REDIC1: variants seen among roughly 807,000 people sequenced by gnomAD.
The protein encoded by REDIC1 is regulator of DNA class I crossover intermediates 1.
chr12:39,683,460 T>C, the REDIC1 span: 1 of 1,601,978 alleles, frequency 6.2e-7, no homozygotes, highest in Non-Finnish European at 8.5e-7. Flanking sequence ...CAGAAAAGTA[T>C]TCAGAAATAT....
At chr12:39,828,050 C>A in the REDIC1 span, among the ~76,000 whole-genome samples, 3 of 151,992 alleles carry the variant, frequency 2.0e-5, no homozygotes, top group Admixed American at 6.6e-5. Context: ...ATCTATCAAC[C>A]AAACCACCAA....
the REDIC1 span, chr12:39,760,053 A>C: frequency 6.2e-7 from 1 of 1,612,480 alleles, no homozygotes; most frequent in Non-Finnish European, 8.5e-7. Flanking sequence ...CATCATTGTC[A>C]GAAAGATGAT....
chr12:39,642,317 T>C, the REDIC1 span, among the ~76,000 whole-genome samples: 3 of 151,848 alleles, frequency 2.0e-5, no homozygotes, highest in East Asian at 5.8e-4. Context: ...ACAGTCTTTG[T>C]ATTGTTCTTC....
the REDIC1 span, among the ~76,000 whole-genome samples, chr12:39,779,695 A>C: frequency 6.6e-6 from 1 of 152,224 alleles, no homozygotes; most frequent in African/African-American, 2.4e-5. Flanking sequence ...CCTCTAAGAA[A>C]TCTATGTCTA....
the REDIC1 span, among the ~76,000 whole-genome samples, chr12:39,895,346 C>T: frequency 5.3e-5 from 8 of 150,984 alleles, no homozygotes; most frequent in East Asian, 3.9e-4. Flanking sequence ...AAAAATTAGC[C>T]GGGCTTGGTG....
At chr12:39,638,433 T>C in the REDIC1 span, among the ~76,000 whole-genome samples, 1 of 152,032 alleles carries the variant, frequency 6.6e-6, no homozygotes. Context: ...TTGGCCATAT[T>C]CCCAAAACTG....
chr12:39,760,231 C>G, the REDIC1 span: 1 of 1,612,164 alleles, frequency 6.2e-7, no homozygotes, highest in Non-Finnish European at 8.5e-7. Context: ...AGCAGCAAAT[C>G]CAGCATAGAG....
chr12:39,746,613 C>T, the REDIC1 span, among the ~76,000 whole-genome samples: 29 of 152,324 alleles, frequency 1.9e-4, no homozygotes, highest in Admixed American at 7.8e-4. Context: ...GATCTGAGAA[C>T]GGACAGACTG....
the REDIC1 span, chr12:39,626,408 T>A: frequency 6.2e-7 from 1 of 1,611,880 alleles, no homozygotes; most frequent in African/African-American, 1.3e-5. Flanking sequence ...TTCCTACGAC[T>A]CCTCTTTCTA....
the REDIC1 span, among the ~76,000 whole-genome samples, chr12:39,689,890 A>G: frequency 8.5e-5 from 13 of 152,254 alleles, no homozygotes; most frequent in African/African-American, 3.1e-4. Context: ...ACCTATGTCT[A>G]GAAAGCTGGC....
chr12:39,891,388 G>A, the REDIC1 span, among the ~76,000 whole-genome samples: 1 of 151,802 alleles, frequency 6.6e-6, no homozygotes, highest in Non-Finnish European at 1.5e-5. Flanking sequence ...CTTTCACAGA[G>A]GAGAAAACAT....
the REDIC1 span, among the ~76,000 whole-genome samples, chr12:39,878,369 A>G: frequency 6.6e-6 from 1 of 152,212 alleles, no homozygotes; most frequent in Admixed American, 6.5e-5. Flanking sequence ...AGACCGACTA[A>G]ATGGTTGTGA....
chr12:39,864,934 G>A, the REDIC1 span: 1 of 1,518,994 alleles, frequency 6.6e-7, no homozygotes, highest in Non-Finnish European at 8.9e-7. Context: ...ATTGTTTTAA[G>A]GCAGACTGGG....
the REDIC1 span, among the ~76,000 whole-genome samples, chr12:39,642,503 C>G: frequency 3.4e-3 from 518 of 151,798 alleles, 3 homozygotes; most frequent in Middle Eastern, 0.01. Context: ...CCCAATCACA[C>G]TCAGTTGCAT....
chr12:39,767,983 A>C, the REDIC1 span, among the ~76,000 whole-genome samples: 784 of 152,198 alleles, frequency 5.2e-3, 5 homozygotes, highest in African/African-American at 0.017. Context: ...ACCCAGTCTC[A>C]GGCAGTTATT....
the REDIC1 span, among the ~76,000 whole-genome samples, chr12:39,741,621 G>A: frequency 1.3e-5 from 2 of 152,158 alleles, no homozygotes; most frequent in African/African-American, 4.8e-5. Flanking sequence ...TTGAGTACGT[G>A]GTCCCACAGT....
the REDIC1 span, among the ~76,000 whole-genome samples, chr12:39,645,350 G>A: frequency 6.6e-6 from 1 of 151,980 alleles, no homozygotes; most frequent in Non-Finnish European, 1.5e-5. Context: ...ACTCATGGCT[G>A]CAAATGACAG....
the REDIC1 span, among the ~76,000 whole-genome samples, chr12:39,807,272 A>G: frequency 5.3e-5 from 8 of 152,178 alleles, no homozygotes; most frequent in Non-Finnish European, 8.8e-5. Context: ...TAACAGAACT[A>G]TATCTTGACT....
chr12:39,788,287 A>G, the REDIC1 span, among the ~76,000 whole-genome samples: 3 of 152,282 alleles, frequency 2.0e-5, no homozygotes, highest in Non-Finnish European at 2.9e-5. Flanking sequence ...AAAAACAATT[A>G]TAACAGTATG....
Sources: allele counts gnomAD v4.1 joint callset (sites outside exome capture counted in the v4.1 genomes callset), GRCh38; gene constraint gnomAD v4.1.1; transcripts MANE v1.5; gene names NCBI Gene and HGNC (gene_info 2026-07-23, HGNC 2026-07-21).